The following KCNN1 variants were observed in gnomAD, a reference collection of about 807,000 sequenced individuals.
KCNN1 encodes the protein small conductance calcium-activated potassium channel protein 1.
KCNN1 carries 20 observed loss-of-function variants against 44.7 expected under a neutral mutation model. The ratio of observed to expected loss-of-function variants is 0.45; its 90% confidence interval spans 0.32 to 0.65. KCNN1 has a LOEUF of 0.65. KCNN1 is among the 30% of genes least tolerant of loss of function. KCNN1 has a pLI of 0.05. For missense variants in KCNN1, 632 were observed against 785.3 expected (o/e 0.80, Z 2.33); for synonymous variants, 324 against 341.7 (o/e 0.95, Z 0.57).
upstream of KCNN1, among the ~76,000 whole-genome samples, chr19:17,963,173 C>A (rs111380643): frequency 0.017 from 2,582 of 151,632 alleles, 66 homozygotes; most frequent in African/African-American, 0.058. Context: ...ACGCCACACC[C>A]GGCTAAGTTT....
At chr19:17,965,027 G>A (rs948221097), upstream of KCNN1, among the ~76,000 whole-genome samples, 1 of 152,164 alleles carries the variant, frequency 6.6e-6, no homozygotes, top group African/African-American at 2.4e-5. Context: ...TGTAATCCCA[G>A]CACTTTGGGA....
At chr19:17,975,974 G>C (rs750067087) in intron 3 of KCNN1, among the ~76,000 whole-genome samples, 3 of 152,122 alleles carry the variant, frequency 2.0e-5, no homozygotes, top group African/African-American at 7.2e-5. Flanking sequence ...CAAAGTGTTG[G>C]GACTTTACAG....
intron 3 of KCNN1, among the ~76,000 whole-genome samples, chr19:17,979,432 C>CA (rs35265456): frequency 0.39 from 18,687 of 48,348 alleles, 3,365 homozygotes; most frequent in Middle Eastern, 0.42. Flanking sequence ...GACTCCGTCT[C>CA]AAAAAAAAAA....
chr19:17,953,128 C>T (rs2031458022), intron 1 of KCNN1, among the ~76,000 whole-genome samples: 1 of 152,226 alleles, frequency 6.6e-6, no homozygotes, highest in African/African-American at 2.4e-5. Context: ...CGGCCTCGCT[C>T]TCTTCCGGGG....
chr19:17,990,692 C>T (rs1239336363), intron 7 of KCNN1, among the ~76,000 whole-genome samples: 2 of 149,096 alleles, frequency 1.3e-5, no homozygotes, highest in Non-Finnish European at 3.0e-5. Flanking sequence ...CCCAGCTACT[C>T]GGGAGGCTGA....
At chr19:17,970,649 C>T (rs2145920700) in intron 1 of KCNN1, among the ~76,000 whole-genome samples, 1 of 151,898 alleles carries the variant, frequency 6.6e-6, no homozygotes, top group East Asian at 1.9e-4. Context: ...TGGTCTTGAA[C>T]TCCTGACCTC....
At chr19:17,966,305 A>G (rs1004854495), upstream of KCNN1, among the ~76,000 whole-genome samples, 1 of 152,234 alleles carries the variant, frequency 6.6e-6, no homozygotes, top group African/African-American at 2.4e-5. Context: ...TGGTGGGAAC[A>G]GGGTGAGGCA....
chr19:17,992,036 A>G (rs1055284607), intron 7 of KCNN1, among the ~76,000 whole-genome samples: 1 of 152,090 alleles, frequency 6.6e-6, no homozygotes, highest in Admixed American at 6.6e-5. Context: ...AAAAAGTACA[A>G]AAGGCTGGGC....
intron 9 of KCNN1, among the ~76,000 whole-genome samples, chr19:17,995,553 G>A (rs933030363): frequency 1.3e-5 from 2 of 152,032 alleles, no homozygotes; most frequent in Non-Finnish European, 2.9e-5. Flanking sequence ...GTTATGGGGT[G>A]CTGACCCCTT....
chr19:17,974,175 G>A lies in KCNN1; in HGVS notation c.287G>A (p.Arg96Gln), dbSNP rs748834811. The A allele has an allele frequency of 8.1e-6, 13 of 1,612,582 alleles. No homozygotes were observed. Among genetic ancestry groups the A allele is most frequent in the Admixed American group, 1.7e-5 (1 of 59,976 alleles). ...PSNVGHRLGH[R>Q]RALFEKRKRL... ...AATGTGGGCCACCGCCTGGGCCACCGGCGGGCGCTCTTCGAGAAGCGGAAG... is the reference window on the plus strand; with the variant it reads ...AATGTGGGCCACCGCCTGGGCCACCAGCGGGCGCTCTTCGAGAAGCGGAAG... The change falls in exon 2 of 10, where the codon CGG becomes CAG. Residue 96 changes from arginine (R) to glutamine (Q), a missense_variant. By Grantham distance (43) the Arg-to-Gln change is conservative. This residue lies in a region of KCNN1 where 235 missense variants were observed against 224.0 expected (regional missense o/e 1.05). Coordinates refer to ENST00000684775, the MANE Select transcript of KCNN1 (RefSeq NM_001386974.1). This position sits in a 1 kb window ranked among gnomAD's most constrained non-coding sequence, Gnocchi z 7.3.
At chr19:17,975,701 G>A (rs1047554310) in intron 3 of KCNN1, among the ~76,000 whole-genome samples, 2 of 151,856 alleles carry the variant, frequency 1.3e-5, no homozygotes, top group South Asian at 4.2e-4. Flanking sequence ...GATTACAGGT[G>A]TCAGCCACTG....
upstream of KCNN1, among the ~76,000 whole-genome samples, chr19:17,962,605 A>G (rs2031706953): frequency 6.6e-6 from 1 of 152,090 alleles, no homozygotes; most frequent in Non-Finnish European, 1.5e-5. Context: ...CTCAGGAACA[A>G]GCCCTCTGCG....
At position 17,993,361 on chromosome 19, in the gene KCNN1, C is replaced by T; in HGVS notation, c.1308-129C>T. 6 of 742,702 alleles carry T rather than the reference C, an allele frequency of 8.1e-6. No individual in the cohort carries two copies. The South Asian group carries it at 8.2e-5, about 10-fold the overall frequency. 46.0% of individuals were successfully genotyped at this position (742,702 alleles called of 1,614,324 possible). ...AATAGACTACAGGGAATCGGCCTCC[C>T]AACTCCCACCTCATCCTCTGATGCA... On this transcript the variant is annotated intron_variant, in intron 8 of 9. Transcript: ENST00000684775. The surrounding 1 kb of genome is among the most constrained non-coding windows in gnomAD (Gnocchi z 4.5).
In KCNN1 at chr19:17,967,128, C is replaced by G; in HGVS notation, c.-271C>G. The G allele has an allele frequency of 1.0e-6, 1 of 976,896 alleles. No homozygotes were observed. The allele number at this position is 976,896 out of a possible 1,614,324, so 60.5% of individuals were successfully genotyped here. ...GGGCGGGCGCTCGCCCCCCGCCGGG[C>G]CCGTGGACTGGGCGGCGGGGGATGC... On this transcript the variant is annotated 5_prime_UTR_variant, in exon 1 of 10. Coordinates refer to ENST00000684775, the MANE Select transcript of KCNN1 (RefSeq NM_001386974.1).
At chr19:17,964,660 T>G (rs948227196), upstream of KCNN1, among the ~76,000 whole-genome samples, 6 of 152,114 alleles carry the variant, frequency 3.9e-5, no homozygotes, top group African/African-American at 1.4e-4. This position sits in a 1 kb window ranked among gnomAD's most constrained non-coding sequence, Gnocchi z 4.3. Context: ...AAGTCCCACC[T>G]CCATCCAACC....
upstream of KCNN1, among the ~76,000 whole-genome samples, chr19:17,966,663 A>C (rs1293347224): frequency 6.6e-6 from 1 of 152,008 alleles, no homozygotes; most frequent in African/African-American, 2.4e-5. Context: ...GACACCCCCC[A>C]ACTTGCAATC....
chr19:17,983,850 G>A lies in KCNN1; in HGVS notation c.918-1462G>A, dbSNP rs1414154744. 6.6e-6 allele frequency among the ~76,000 whole-genome samples: 1 copy of A among 151,998 alleles called. No individual in the cohort carries two copies. Among genetic ancestry groups the A allele is most frequent in the Admixed American group, 6.6e-5 (1 of 15,256 alleles). On this transcript the variant is annotated intron_variant, in intron 4 of 9. Transcript: ENST00000684775. This position sits in a 1 kb window ranked among gnomAD's most constrained non-coding sequence, Gnocchi z 4.5. ...GGGTCAGGCAGCTTGGGGCTCAGAT[G>A]TTTTGGTGTAAGATGGGGGTCAGTC...
intron 3 of KCNN1, among the ~76,000 whole-genome samples, chr19:17,975,897 G>A (rs116064862): frequency 6.6e-6 from 1 of 152,006 alleles, no homozygotes; most frequent in East Asian, 1.9e-4. Flanking sequence ...TCTTGTCAGT[G>A]TCTCGCCATA....
intron 9 of KCNN1, among the ~76,000 whole-genome samples, chr19:17,997,914 A>G (rs537096519): frequency 4.0e-4 from 61 of 151,068 alleles, no homozygotes; most frequent in Middle Eastern, 3.4e-3. Context: ...AAAAAAAAAA[A>G]AGAGAGAAAG....
Sources: gnomAD v4.1 joint callset for allele counts (sites outside exome capture counted in the v4.1 genomes callset) on GRCh38, gnomAD v4.1.1 for gene constraint, gnomAD v4.1.1 regional missense constraint, Gnocchi (gnomAD v3.1) non-coding constraint, MANE v1.5 for transcripts, NCBI Gene and HGNC (gene_info 2026-07-23, HGNC 2026-07-21) for gene names.